RALA: variants seen among roughly 807,000 people sequenced by gnomAD.
RALA encodes ras-related protein Ral-A.
Under a neutral mutation model 24.0 loss-of-function variants are expected in RALA, and 5 were observed. The observed-to-expected ratio is 0.21, with a 90% CI of 0.11 to 0.44. The LOEUF is 0.44. Ranked by LOEUF, RALA falls within the 20% of genes least tolerant of loss-of-function variation. The probability of loss-of-function intolerance (pLI) is 0.99; values close to 1 mark genes in which losing one functional copy is unlikely to be tolerated. For synonymous variants in RALA, 77 were observed against 83.8 expected (o/e 0.92, Z 0.44); for missense variants, 95 against 241.2 (o/e 0.39, Z 4.01).
At chr7:39,650,946 G>T (rs1792008606) in intron 1 of RALA, among the ~76,000 whole-genome samples, 1 of 152,148 alleles carries the variant, frequency 6.6e-6, no homozygotes, top group Admixed American at 6.6e-5. Context: ...TCATAATGTG[G>T]CTTCCCCTGT....
chr7:39,649,505 A>T (rs1418272814), intron 1 of RALA, among the ~76,000 whole-genome samples: 1 of 152,168 alleles, frequency 6.6e-6, no homozygotes, highest in African/African-American at 2.4e-5. Flanking sequence ...GGAACTAGCT[A>T]GGCCCTTTTT....
At chr7:39,681,414 G>A (rs764634154) in intron 1 of RALA, among the ~76,000 whole-genome samples, 1 of 140,620 alleles carries the variant, frequency 7.1e-6, no homozygotes, top group Non-Finnish European at 1.5e-5. Flanking sequence ...AGCCTCCCGG[G>A]TTCAGGCGAT....
intron 1 of RALA, among the ~76,000 whole-genome samples, chr7:39,666,620 A>G (rs1247514119): frequency 6.6e-6 from 1 of 152,236 alleles, no homozygotes; most frequent in Non-Finnish European, 1.5e-5. Context: ...ACCTGACTGG[A>G]TGGATGTGGG....
At chr7:39,628,396 C>T (rs1791532606) in intron 1 of RALA, among the ~76,000 whole-genome samples, 1 of 151,722 alleles carries the variant, frequency 6.6e-6, no homozygotes, top group Non-Finnish European at 1.5e-5. Context: ...CACACACACA[C>T]ACACACACAC....
intron 1 of RALA, among the ~76,000 whole-genome samples, chr7:39,649,169 TA>T (rs1207178294): frequency 6.6e-6 from 1 of 152,234 alleles, no homozygotes; most frequent in African/African-American, 2.4e-5. Context: ...TGGAGTAGGT[TA>T]AACCAGGCAT....
chr7:39,631,070 C>T (rs1367563497), intron 1 of RALA, among the ~76,000 whole-genome samples: 2 of 150,306 alleles, frequency 1.3e-5, no homozygotes, highest in South Asian at 2.1e-4. Context: ...TGCAGTGGTG[C>T]GATCTCAGCT....
chr7:39,678,661 G>C (rs1203894695), intron 1 of RALA, among the ~76,000 whole-genome samples: 1 of 152,076 alleles, frequency 6.6e-6, no homozygotes, highest in Non-Finnish European at 1.5e-5. Context: ...AAGGACCCCT[G>C]TTCCTTTGAA....
At chr7:39,629,120 A>T (rs1160886019) in intron 1 of RALA, among the ~76,000 whole-genome samples, 1 of 152,202 alleles carries the variant, frequency 6.6e-6, no homozygotes, top group East Asian at 1.9e-4. Context: ...ATACATCTTC[A>T]GGATAAATGC....
intron 4 of RALA, among the ~76,000 whole-genome samples, chr7:39,705,439 G>A (rs1793103174): frequency 6.6e-6 from 1 of 152,112 alleles, no homozygotes; most frequent in Non-Finnish European, 1.5e-5. Flanking sequence ...TGAGTGTGTA[G>A]CCTTCCAGAC....
intron 1 of RALA, among the ~76,000 whole-genome samples, chr7:39,638,208 G>C (rs551547854): frequency 2.5e-4 from 38 of 152,212 alleles, no homozygotes; most frequent in Non-Finnish European, 4.4e-4. Context: ...AAGTGATCCT[G>C]CTGCTTAAGC....
At chr7:39,676,082 TCTC>T (rs1792482934) in intron 1 of RALA, among the ~76,000 whole-genome samples, 1 of 152,116 alleles carries the variant, frequency 6.6e-6, no homozygotes, top group South Asian at 2.1e-4. Flanking sequence ...TTCACGCCAT[TCTC>T]CTGCCTCAGC....
At chr7:39,627,636 C>CT (rs1255715132) in intron 1 of RALA, among the ~76,000 whole-genome samples, 1 of 152,222 alleles carries the variant, frequency 6.6e-6, no homozygotes, top group Non-Finnish European at 1.5e-5. Flanking sequence ...TTATGGTCAT[C>CT]TAAGCCACAG....
chr7:39,704,787 T>G (rs577899352), intron 4 of RALA, among the ~76,000 whole-genome samples: 1 of 152,138 alleles, frequency 6.6e-6, no homozygotes, highest in Non-Finnish European at 1.5e-5. Context: ...GCAATTCTTG[T>G]GCCTCAGCCT....
chr7:39,698,062 A>G (rs889123092), intron 4 of RALA, among the ~76,000 whole-genome samples: 3 of 152,106 alleles, frequency 2.0e-5, no homozygotes, highest in African/African-American at 7.2e-5. Context: ...GGTCTTAGAC[A>G]AAATGATTCT....
chr7:39,706,391 A>G lies in RALA; in HGVS notation c.*146A>G, dbSNP rs928261011. On this transcript the variant is annotated 3_prime_UTR_variant, in exon 5 of 5. Coordinates refer to ENST00000005257, the MANE Select transcript of RALA (RefSeq NM_005402.4). ...AAAAGCATGAATTGGAACTGCAATG[A>G]AAGTCAAATTTACTTTAAAAAGAAA... 33 of 844,498 alleles carry G rather than the reference A, an allele frequency of 3.9e-5. No homozygotes were observed. Among genetic ancestry groups the G allele is most frequent in the Admixed American group, 5.8e-5 (2 of 34,408 alleles). The allele number at this position is 844,498 out of a possible 1,614,324, so 52.3% of individuals were successfully genotyped here.
chr7:39,654,474 T>C (rs1425037169), intron 1 of RALA, among the ~76,000 whole-genome samples: 6 of 152,198 alleles, frequency 3.9e-5, no homozygotes, highest in African/African-American at 1.4e-4. Context: ...TTTTAAATTG[T>C]AAAAATTATC....
chr7:39,699,844 A>G (rs1179906584), intron 4 of RALA, among the ~76,000 whole-genome samples: 1 of 152,192 alleles, frequency 6.6e-6, no homozygotes, highest in East Asian at 1.9e-4. Flanking sequence ...TGCCATATTC[A>G]TGGACACTTG....
intron 1 of RALA, among the ~76,000 whole-genome samples, chr7:39,674,048 AAT>A (rs1489665117): frequency 5.4e-4 from 36 of 66,516 alleles, no homozygotes; most frequent in African/African-American, 2.5e-3. Context: ...ACTGTAAATA[AAT>A]AAATAAATAA....
At chr7:39,696,938 GTC>G in intron 4 of RALA, 79 bp downstream of exon 4, 1 of 1,347,862 alleles carries the variant, frequency 7.4e-7, no homozygotes, top group East Asian at 2.3e-5. Context: ...TGTCTGGAGA[GTC>G]TATGAAACTT....
Sources: gnomAD v4.1 joint callset for allele counts (sites outside exome capture counted in the v4.1 genomes callset) on GRCh38, gnomAD v4.1.1 for gene constraint, MANE v1.5 for transcripts, NCBI Gene and HGNC (gene_info 2026-07-23, HGNC 2026-07-21) for gene names.